The following OBP2B variants were observed in gnomAD, a reference collection of about 807,000 sequenced individuals.
The protein encoded by OBP2B is odorant binding protein 2B.
OBP2B carries 10 observed loss-of-function variants against 21.7 expected under a neutral mutation model. The ratio of observed to expected loss-of-function variants is 0.46; its 90% CI spans 0.28 to 0.78. The LOEUF (loss-of-function observed/expected upper bound fraction) is 0.78, where lower values mean the gene tolerates loss of function less well. Ranked by LOEUF, OBP2B falls within the 30% of genes least tolerant of loss-of-function variation. The probability of loss-of-function intolerance (pLI) is 0.11; values close to 1 mark genes in which losing one functional copy is unlikely to be tolerated. For synonymous variants in OBP2B, 73 were observed against 91.5 expected (o/e 0.80, Z 1.16); for missense variants, 153 against 217.7 (o/e 0.70, Z 1.87).
chr9:133,211,023 C>T (rs570062162), upstream of OBP2B, among the ~76,000 whole-genome samples: 97 of 152,350 alleles, frequency 6.4e-4, no homozygotes, highest in African/African-American at 2.1e-3. Context: ...ACTTCCCTCA[C>T]GACCCTTTTC....
the OBP2B span, among the ~76,000 whole-genome samples, chr9:133,216,628 G>A: frequency 6.6e-6 from 1 of 152,076 alleles, no homozygotes; most frequent in Non-Finnish European, 1.5e-5. Flanking sequence ...TCCTCCAACA[G>A]GTGAATAGTT....
chr9:133,208,756 T>C (rs1381101594), intron 1 of OBP2B, among the ~76,000 whole-genome samples, 154 bp from the exon 2 acceptor site: 8 of 152,130 alleles, frequency 5.3e-5, no homozygotes, highest in African/African-American at 1.9e-4. Context: ...AGAGCTCAGC[T>C]GGAGTGAGTT....
chr9:133,211,755 C>T (rs1833919457), upstream of OBP2B, among the ~76,000 whole-genome samples: 1 of 152,196 alleles, frequency 6.6e-6, no homozygotes, highest in African/African-American at 2.4e-5. Context: ...TGATCTCAGA[C>T]TTCTGGCCAC....
At chr9:133,219,753 C>T in the OBP2B span, among the ~76,000 whole-genome samples, 1 of 152,162 alleles carries the variant, frequency 6.6e-6, no homozygotes, top group East Asian at 1.9e-4. Flanking sequence ...TACCATATGA[C>T]CCAGCAGTTC....
At chr9:133,207,485 G>A (rs2119393917) in intron 3 of OBP2B, 149 bp from the exon 4 acceptor site, 1 of 612,712 alleles carries the variant, frequency 1.6e-6, no homozygotes, top group Admixed American at 2.9e-5. Flanking sequence ...CCCGGACACG[G>A]AGGCAGGAGC....
At chr9:133,207,145 G>A in intron 4 of OBP2B, 81 bp downstream of exon 4, 1 of 983,714 alleles carries the variant, frequency 1.0e-6, no homozygotes, top group South Asian at 1.3e-5. Context: ...CCCCATGCCA[G>A]GGCATGGTGG....
At position 133,206,389 on chromosome 9, in the gene OBP2B, G is replaced by T. The variant is rs376939460; in HGVS notation, c.416C>A (p.Ala139Asp). 1.2e-6 allele frequency: 2 copies of T among 1,614,066 alleles called. No individual in the cohort carries two copies. Residue 139 changes from alanine to aspartate, a missense_variant, in exon 5 of 7, where the codon GCC (alanine) becomes GAC (aspartate). Around this residue, in one of 2 missense-constraint regions of OBP2B, gnomAD observed 151 missense variants for 186.3 expected, o/e 0.81. Coordinates refer to ENST00000372034, the MANE Select transcript of OBP2B (RefSeq NM_014581.4). ...VGRNSDTNRE[A>D]LEEFKKLVQR... ...CACCAATTTCTTAAATTCTTCCAGG[G>T]CCTCCCGGTTGGTATCAGAATTCCT...
chr9:133,210,354 T>C (rs1564288038), upstream of OBP2B, among the ~76,000 whole-genome samples: 1 of 152,150 alleles, frequency 6.6e-6, no homozygotes, highest in East Asian at 1.9e-4. Context: ...ATAATACTAA[T>C]GCACACTCTA....
the OBP2B span, among the ~76,000 whole-genome samples, chr9:133,222,180 C>T: frequency 2.0e-5 from 3 of 152,102 alleles, no homozygotes; most frequent in Admixed American, 6.5e-5. Flanking sequence ...CATGGATCGG[C>T]TCCGCCCAAG....
intron 3 of OBP2B, chr9:133,207,764 C>CCCCATCCTTAACCCTCAGCT (rs1564286153): frequency 9.8e-7 from 1 of 1,016,656 alleles, no homozygotes; most frequent in East Asian, 3.6e-5. Flanking sequence ...AACCCTCAGC[C>CCCCATCCTTAACCCTCAGCT]TCCCCATCCT....
At chr9:133,219,888 A>G in the OBP2B span, among the ~76,000 whole-genome samples, 3 of 152,266 alleles carry the variant, frequency 2.0e-5, no homozygotes, top group Admixed American at 6.5e-5. Flanking sequence ...CTACCAATGG[A>G]TGAATGGATA....
the OBP2B span, among the ~76,000 whole-genome samples, chr9:133,214,430 C>A: frequency 6.6e-6 from 1 of 152,150 alleles, no homozygotes; most frequent in African/African-American, 2.4e-5. Context: ...CTGGACTGAG[C>A]GAAGGGGTTT....
chr9:133,208,424 G>C, intron 2 of OBP2B, 45 bp downstream of exon 2: 1 of 1,598,502 alleles, frequency 6.3e-7, no homozygotes, highest in Non-Finnish European at 8.5e-7. Flanking sequence ...ATCTGGGGAG[G>C]GGAGCGAAAG....
upstream of OBP2B, among the ~76,000 whole-genome samples, chr9:133,213,760 T>C (rs550263800): frequency 6.6e-6 from 1 of 152,364 alleles, no homozygotes; most frequent in Non-Finnish European, 1.5e-5. Context: ...AATAGCTCTA[T>C]GACAATTAAA....
chr9:133,222,734 A>C, the OBP2B span, among the ~76,000 whole-genome samples: 1 of 152,130 alleles, frequency 6.6e-6, no homozygotes, highest in Non-Finnish European at 1.5e-5. Context: ...CCAAAACAAA[A>C]AAAAAGTGTC....
chr9:133,208,969 G>T (rs1833845895), intron 1 of OBP2B, among the ~76,000 whole-genome samples, 159 bp downstream of exon 1: 1 of 152,092 alleles, frequency 6.6e-6, no homozygotes, highest in Non-Finnish European at 1.5e-5. Context: ...GGCCGTGTCT[G>T]CTGGAGGAAC....
chr9:133,215,168 T>G, the OBP2B span, among the ~76,000 whole-genome samples: 1 of 152,158 alleles, frequency 6.6e-6, no homozygotes, highest in Admixed American at 6.5e-5. Flanking sequence ...ACAATACTAC[T>G]TATAGTGGCT....
At chr9:133,214,800 G>A in the OBP2B span, among the ~76,000 whole-genome samples, 2 of 152,370 alleles carry the variant, frequency 1.3e-5, no homozygotes, top group South Asian at 2.1e-4. Context: ...AGCACATTTT[G>A]AGGCTGGGAT....
At chr9:133,216,413 T>C in the OBP2B span, among the ~76,000 whole-genome samples, 1 of 151,538 alleles carries the variant, frequency 6.6e-6, no homozygotes, top group Non-Finnish European at 1.5e-5. Context: ...GATAAGATCA[T>C]AGTGATCACA....
Sources: gnomAD v4.1 joint callset for allele counts (sites outside exome capture counted in the v4.1 genomes callset) on GRCh38, gnomAD v4.1.1 for gene constraint, gnomAD v4.1.1 regional missense constraint, MANE v1.5 for transcripts, NCBI Gene and HGNC (gene_info 2026-07-23, HGNC 2026-07-21) for gene names.